Variants in NECTIN1 observed in about 807,000 individuals in gnomAD.
NECTIN1 encodes the protein nectin cell adhesion molecule 1.
A neutral mutation model predicts 48.0 loss-of-function variants in NECTIN1; 23 were observed. The ratio of observed to expected loss-of-function variants is 0.48; its 90% CI spans 0.34 to 0.68. NECTIN1 has a LOEUF of 0.68. NECTIN1 is among the 30% of genes least tolerant of loss of function. The pLI, the probability that NECTIN1 is intolerant of heterozygous loss-of-function variation, is 0.01. For missense variants in NECTIN1, 591 were observed against 709.9 expected, an observed-to-expected ratio of 0.83 and a Z score of 1.90; for synonymous variants, 270 against 288.9, an observed-to-expected ratio of 0.93 and a Z score of 0.66.
chr11:119,670,371 C>T (rs1441071431), intron 5 of NECTIN1, among the ~76,000 whole-genome samples: 1 of 152,188 alleles, frequency 6.6e-6, no homozygotes, highest in Non-Finnish European at 1.5e-5. Context: ...TTATACCAAG[C>T]ACCTAGACCG....
intron 1 of NECTIN1, among the ~76,000 whole-genome samples, chr11:119,717,854 G>A (rs1865771198): frequency 1.3e-5 from 2 of 152,242 alleles, no homozygotes. Context: ...GAGTCAGGCA[G>A]GTCCTATGCC....
intron 1 of NECTIN1, among the ~76,000 whole-genome samples, chr11:119,685,381 C>T (rs567397770): frequency 3.3e-5 from 5 of 152,208 alleles, no homozygotes; most frequent in African/African-American, 4.8e-5. Context: ...GGAGGGGGCA[C>T]GGCGGCCTGG....
chr11:119,639,131 A>AG (rs1359844065), intron 6 of NECTIN1, among the ~76,000 whole-genome samples: 1 of 152,168 alleles, frequency 6.6e-6, no homozygotes, highest in African/African-American at 2.4e-5. Context: ...GCCCTCACCC[A>AG]GGGCGGGCAT....
intron 1 of NECTIN1, among the ~76,000 whole-genome samples, chr11:119,693,396 C>T (rs1351783367): frequency 6.6e-6 from 1 of 152,232 alleles, no homozygotes; most frequent in South Asian, 2.1e-4. Context: ...GTGATGTCAT[C>T]CATTTACATG....
chr11:119,669,784 G>C (rs1012549745), intron 5 of NECTIN1, among the ~76,000 whole-genome samples: 1 of 151,978 alleles, frequency 6.6e-6, no homozygotes, highest in African/African-American at 2.4e-5. Flanking sequence ...AGGGCCCCCA[G>C]GTTCACTCCT....
Position 119,678,343 on chromosome 11 carries a change from C to T in NECTIN1, c.430+72G>A, listed in dbSNP as rs2135552230. The stretch of plus-strand genomic sequence containing the variant: ...AGGGGGATGTCTGGGGTCATTGAGG[C>T]ATCCTGAGGATGGCCACGCCCCGAG... On this transcript the variant is annotated intron_variant, in intron 2 of 5. Coordinates refer to ENST00000264025, the MANE Select transcript of NECTIN1 (RefSeq NM_002855.5). The surrounding 1 kb of genome is among the most constrained non-coding windows in gnomAD (Gnocchi z 4.4). 3 of 1,373,118 alleles carry T rather than the reference C, an allele frequency of 2.2e-6. No individual in the cohort carries two copies. Among genetic ancestry groups the T allele is most frequent in the Middle Eastern group, 1.8e-4 (1 of 5,652 alleles). 85.1% of individuals were successfully genotyped at this position (1,373,118 alleles called of 1,614,324 possible).
chr11:119,693,221 GTCTC>G lies in NECTIN1; in HGVS notation c.80-14460_80-14457del, dbSNP rs536400340. Among the ~76,000 whole-genome samples, 21 of 151,926 alleles carry G rather than the reference GTCTC, an allele frequency of 1.4e-4. No individual in the cohort carries two copies. In the South Asian group the frequency reaches 4.0e-3, roughly 29 times the overall value. The stretch of plus-strand genomic sequence containing the variant: ...AAACCCTGCCACTCTCGGGGTGTGT[GTCTC>G]TCTCTCTCTGCCCCTCAGCTCCTCC... On this transcript the variant is annotated intron_variant, in intron 1 of 5. Transcript: ENST00000264025.
At chr11:119,687,792 G>T (rs952154061) in intron 1 of NECTIN1, among the ~76,000 whole-genome samples, 1 of 152,212 alleles carries the variant, frequency 6.6e-6, no homozygotes, top group Non-Finnish European at 1.5e-5. Flanking sequence ...GAGGGTTCTC[G>T]ATCTGCCTCA....
chr11:119,728,809 C>CCCGG lies in NECTIN1; in HGVS notation c.-257_-256insCCGG, dbSNP rs1316974019. 2.6e-6 allele frequency: 1 copy of CCCGG among 383,880 alleles called. No homozygotes were observed. Among genetic ancestry groups the CCCGG allele is most frequent in the Non-Finnish European group, 4.6e-6 (1 of 216,606 alleles). 23.8% of individuals were successfully genotyped at this position (383,880 alleles called of 1,614,324 possible). On this transcript the variant is annotated 5_prime_UTR_variant, in exon 1 of 6. Transcript: ENST00000264025. ...CACGAGTCATGCCCCTTCGCCTCCTCCGCTCTCCTCCCGGCGCCGGTCCCC... is the reference window on the plus strand; with the variant it reads ...CACGAGTCATGCCCCTTCGCCTCCTCCCGGCGCTCTCCTCCCGGCGCCGGTCCCC...
intron 5 of NECTIN1, among the ~76,000 whole-genome samples, chr11:119,648,295 G>GTGGTGA (rs1864432420): frequency 2.1e-4 from 2 of 9,660 alleles, no homozygotes; most frequent in African/African-American, 8.3e-4. Flanking sequence ...GGTGATGGTG[G>GTGGTGA]TGGTGGTGGT....
rs1443218160 is a variant in NECTIN1 at position 119,683,577 on chromosome 11, T to G, written c.80-4812A>C. On this transcript the variant is annotated intron_variant, in intron 1 of 5. Coordinates refer to ENST00000264025, the MANE Select transcript of NECTIN1 (RefSeq NM_002855.5). This position sits in a 1 kb window ranked among gnomAD's most constrained non-coding sequence, Gnocchi z 4.0. ...ACAGGGGCTTTGGGGATCCCGGGTG[T>G]GTGTGTGTGTGTGTGTGTGTGTGTG... is the stretch of plus-strand genomic sequence containing the variant. Among the ~76,000 whole-genome samples, 2 of 58,330 alleles carry G rather than the reference T, an allele frequency of 3.4e-5. No homozygotes were observed. Among genetic ancestry groups the G allele is most frequent in the African/African-American group, 1.0e-4 (2 of 19,548 alleles). The allele number at this position is 58,330 out of a possible 152,430, so 38.3% of individuals were successfully genotyped here. A position where few individuals can be genotyped will look rare whatever the true frequency, so the allele number is the denominator to read the frequency against.
chr11:119,688,345 G>A (rs1186938132), intron 1 of NECTIN1, among the ~76,000 whole-genome samples: 3 of 151,938 alleles, frequency 2.0e-5, no homozygotes, highest in Non-Finnish European at 4.4e-5. Flanking sequence ...TTCCCATCCC[G>A]GCTCTAAGCC....
chr11:119,700,860 G>T (rs752082870), intron 1 of NECTIN1, among the ~76,000 whole-genome samples: 2 of 152,164 alleles, frequency 1.3e-5, no homozygotes, highest in Non-Finnish European at 2.9e-5. Context: ...TCAACTCTGC[G>T]AAACAAATCC....
At chr11:119,693,798 A>G (rs959030609) in intron 1 of NECTIN1, among the ~76,000 whole-genome samples, 1 of 152,192 alleles carries the variant, frequency 6.6e-6, no homozygotes, top group African/African-American at 2.4e-5. Context: ...AGTGAGGCCC[A>G]GCTTTAGTAG....
chr11:119,674,373 A>G (rs1373972999), intron 5 of NECTIN1: 3 of 1,465,306 alleles, frequency 2.0e-6, no homozygotes, highest in African/African-American at 1.4e-5. Flanking sequence ...AATAATGATG[A>G]TGATGGAGGT....
intron 1 of NECTIN1, among the ~76,000 whole-genome samples, chr11:119,697,032 C>T (rs1052974470): frequency 3.9e-5 from 6 of 152,038 alleles, no homozygotes; most frequent in Non-Finnish European, 7.4e-5. Flanking sequence ...GTGTGCTGCC[C>T]GCTGCAGCGG....
intron 1 of NECTIN1, among the ~76,000 whole-genome samples, chr11:119,682,247 T>C (rs752377141): frequency 4.6e-5 from 7 of 151,844 alleles, no homozygotes; most frequent in Non-Finnish European, 1.0e-4. Flanking sequence ...GGAGCAGGGA[T>C]CACCACCGGA....
chr11:119,660,954 A>G (rs1864652436), downstream of NECTIN1: 1 of 937,050 alleles, frequency 1.1e-6, no homozygotes, highest in Non-Finnish European at 1.3e-6. Flanking sequence ...CCCCGCCCCC[A>G]CTGCCATGGA....
intron 1 of NECTIN1, among the ~76,000 whole-genome samples, chr11:119,713,419 T>C (rs573685950): frequency 7.2e-5 from 11 of 152,212 alleles, no homozygotes; most frequent in Non-Finnish European, 1.5e-4. Context: ...CCAGAGTCAC[T>C]AATTATTAAC....
Sources: allele counts gnomAD v4.1 joint callset (sites outside exome capture counted in the v4.1 genomes callset), GRCh38; gene constraint gnomAD v4.1.1; non-coding constraint Gnocchi (gnomAD v3.1); transcripts MANE v1.5; gene names NCBI Gene and HGNC (gene_info 2026-07-23, HGNC 2026-07-21).